Variants in CSPP1 observed in about 807,000 individuals in gnomAD.
The protein encoded by CSPP1 is centrosome and spindle pole-associated protein 1.
Under a neutral mutation model 164.4 loss-of-function variants are expected in CSPP1, and 126 were observed. The observed-to-expected ratio is 0.77, with a 90% confidence interval of 0.66 to 0.89. The LOEUF is 0.89. Among genes scored for constraint, CSPP1 ranks in the 40% least tolerant of loss-of-function variants. The pLI, the probability that CSPP1 is intolerant of heterozygous loss-of-function variation, is 0.00. For missense variants in CSPP1, 1,395 were observed against 1,449.8 expected (o/e 0.96, Z 0.61); for synonymous variants, 472 against 476.7 (o/e 0.99, Z 0.13).
intron 1 of CSPP1, among the ~76,000 whole-genome samples, chr8:67,072,885 A>AG (rs1320971341): frequency 7.9e-5 from 12 of 151,642 alleles, no homozygotes; most frequent in African/African-American, 2.9e-4. Flanking sequence ...AAAAAAAAAA[A>AG]AAAAAGAAAG....
At chr8:67,136,568 CAAAAAAAAA>C (rs35184133) in intron 16 of CSPP1, among the ~76,000 whole-genome samples, 3 of 27,694 alleles carry the variant, frequency 1.1e-4, no homozygotes, top group South Asian at 2.5e-3. Flanking sequence ...GACTCCGTCT[CAAAAAAAAA>C]AAAAAAAAAA....
intron 18 of CSPP1, among the ~76,000 whole-genome samples, chr8:67,152,133 C>T (rs929592044): frequency 6.7e-6 from 1 of 149,298 alleles, no homozygotes; most frequent in Non-Finnish European, 1.5e-5. Context: ...AATAAACTTT[C>T]TCAATACAAG....
chr8:67,094,210 A>T (rs1185824155), intron 6 of CSPP1, among the ~76,000 whole-genome samples: 1 of 146,668 alleles, frequency 6.8e-6, no homozygotes, highest in African/African-American at 2.5e-5. Flanking sequence ...TTGAGAATTT[A>T]ATTTGAAATA....
chr8:67,082,357 TTTAA>T (rs1455968200), intron 3 of CSPP1, among the ~76,000 whole-genome samples: 1 of 152,074 alleles, frequency 6.6e-6, no homozygotes, highest in Non-Finnish European at 1.5e-5. Context: ...GCCTTGTAGT[TTTAA>T]TTATCATTCC....
chr8:67,150,437 T>C (rs1485072995), intron 18 of CSPP1, among the ~76,000 whole-genome samples: 1 of 151,918 alleles, frequency 6.6e-6, no homozygotes, highest in African/African-American at 2.4e-5. Flanking sequence ...GGAGTCTCAC[T>C]TTGTTATCCC....
At chr8:67,188,453 T>C (rs1401431318) in intron 28 of CSPP1, among the ~76,000 whole-genome samples, 1 of 152,074 alleles carries the variant, frequency 6.6e-6, no homozygotes, top group Non-Finnish European at 1.5e-5. Context: ...GGTAAAGAAA[T>C]AGTGAAATCA....
chr8:67,142,717 T>G (rs1020739718), intron 17 of CSPP1, among the ~76,000 whole-genome samples: 1 of 152,210 alleles, frequency 6.6e-6, no homozygotes, highest in Admixed American at 6.5e-5. Context: ...AGTAAGTGTT[T>G]AACTTTGTAA....
rs1456072550 is a variant in CSPP1 at position 67,137,612 on chromosome 8, T to C, written c.1975+9T>C. The stretch of plus-strand genomic sequence containing the variant: ...AAAAGGAAATCTGATAAGTACGTTA[T>C]TTCTACTGACTTGTTTTTAAAATAA... On this transcript the variant is annotated intron_variant, in intron 17 of 30. Transcript: ENST00000678616. 6.6e-7 allele frequency: 1 copy of C among 1,508,104 alleles called. No homozygotes were observed. The highest frequency in any genetic ancestry group is 8.9e-7 in the Non-Finnish European group (1 of 1,129,626). The allele number at this position is 1,508,104 out of a possible 1,614,324, so 93.4% of individuals were successfully genotyped here.
At chr8:67,109,409 A>T (rs1816347683) in intron 9 of CSPP1, among the ~76,000 whole-genome samples, 1 of 152,234 alleles carries the variant, frequency 6.6e-6, no homozygotes, top group Non-Finnish European at 1.5e-5. Flanking sequence ...TCACCTGATT[A>T]TATCAGGTCC....
intron 23 of CSPP1, 72 bp from the exon 24 acceptor site, chr8:67,164,319 G>A: frequency 1.4e-6 from 1 of 737,014 alleles, no homozygotes; most frequent in Non-Finnish European, 2.4e-6. Context: ...TTATTAGTCA[G>A]GTTGTGTTTT....
chr8:67,164,533 TG>T (rs746043684), intron 24 of CSPP1, 25 bp downstream of exon 24: 1 of 1,125,704 alleles, frequency 8.9e-7, no homozygotes. Context: ...GCAGTTTTTG[TG>T]TTCGCTTGAG....
chr8:67,095,718 G>A lies in CSPP1; in HGVS notation c.909G>A (p.Val303=). Residue 303 remains valine (V), a synonymous_variant, in exon 7 of 31, where the codon GTG becomes GTA. Transcript: ENST00000678616. ...ATTTTGATAGAAGACTTTCGAGAGT[G>A]TATACAAATGACAGGTATTTACAAC... is the stretch of plus-strand genomic sequence containing the variant. The part of the protein sequence containing the change: ...ESDFDRRLSR[V]YTNDRMHRNK... The A allele has an allele frequency of 6.4e-7, 1 of 1,567,710 alleles. No homozygotes were observed. The highest frequency in any genetic ancestry group is 1.2e-5 in the South Asian group (1 of 85,774).
chr8:67,164,918 T>G (rs1829016399), intron 24 of CSPP1, among the ~76,000 whole-genome samples: 1 of 152,318 alleles, frequency 6.6e-6, no homozygotes, highest in African/African-American at 2.4e-5. Context: ...ATCAACATAG[T>G]GGGTAACTAC....
intron 11 of CSPP1, 100 bp downstream of exon 11, chr8:67,113,962 A>G: frequency 3.0e-6 from 2 of 672,952 alleles, no homozygotes; most frequent in South Asian, 4.0e-5. Flanking sequence ...AAAAGAGAGT[A>G]GACCAATTTG....
chr8:67,065,112 G>C (rs1805271116), intron 1 of CSPP1, among the ~76,000 whole-genome samples: 1 of 152,192 alleles, frequency 6.6e-6, no homozygotes, highest in Admixed American at 6.5e-5. Flanking sequence ...TTGTTAACGT[G>C]GGAGCGCTTG....
intron 3 of CSPP1, among the ~76,000 whole-genome samples, chr8:67,077,144 A>G (rs1158236740): frequency 6.6e-6 from 1 of 151,894 alleles, no homozygotes; most frequent in Non-Finnish European, 1.5e-5. Context: ...ATATGTAAAA[A>G]TTTTTGTTTA....
chr8:67,176,230 G>T (rs1224805668), intron 26 of CSPP1, among the ~76,000 whole-genome samples: 1 of 152,122 alleles, frequency 6.6e-6, no homozygotes, highest in Non-Finnish European at 1.5e-5. Context: ...CATGGAAAAT[G>T]AGTAATGAAA....
At chr8:67,190,621 A>G (rs1241355657) in intron 28 of CSPP1, 29 bp from the exon 29 acceptor site, 1 of 1,519,702 alleles carries the variant, frequency 6.6e-7, no homozygotes, top group Non-Finnish European at 9.1e-7. Flanking sequence ...CAGTATTAAG[A>G]CTCCTTCTGC....
Position 67,161,851 on chromosome 8 carries a change from A to C in CSPP1, c.2579A>C (p.Asn860Thr). ...QPSPIVPALQ[N>T]KIASKLQRPP... ...TCTCCTATAGTTCCTGCTCTTCAGA[A>C]CAAAATTGCAAGCAAACTCCAAAGA... The change falls in exon 22 of 31, where the codon AAC (asparagine) becomes ACC (threonine). Residue 860 changes from asparagine (N) to threonine (T), a missense_variant. Transcript: ENST00000678616. The C allele has an allele frequency of 6.2e-7, 1 of 1,613,824 alleles. No individual in the cohort carries two copies. The highest frequency in any genetic ancestry group is 8.5e-7 in the Non-Finnish European group (1 of 1,179,904).
Sources: allele counts gnomAD v4.1 joint callset (sites outside exome capture counted in the v4.1 genomes callset), GRCh38; gene constraint gnomAD v4.1.1; transcripts MANE v1.5; gene names NCBI Gene and HGNC (gene_info 2026-07-23, HGNC 2026-07-21).